The following PRRC2B variants were observed in gnomAD, a reference collection of about 807,000 sequenced individuals.
PRRC2B encodes proline rich coiled-coil 2B.
A neutral mutation model predicts 242.3 loss-of-function variants in PRRC2B; 68 were observed. The ratio of observed to expected loss-of-function variants is 0.28; its 90% CI spans 0.23 to 0.34. PRRC2B has a LOEUF of 0.34. Ranked by LOEUF, PRRC2B falls within the 10% of genes least tolerant of loss-of-function variation. PRRC2B has a pLI of 1.00. For missense variants in PRRC2B, 2,835 were observed against 2,954.8 expected (o/e 0.96, Z 0.94); for synonymous variants, 1,228 against 1,173.6 (o/e 1.05, Z -0.95).
At position 131,483,366 on chromosome 9, in the gene PRRC2B, A is replaced by G; in HGVS notation, c.5381A>G (p.Asp1794Gly). The G allele has an allele frequency of 6.2e-7, 1 of 1,613,764 alleles. No homozygotes were observed. The highest frequency in any genetic ancestry group is 1.1e-5 in the South Asian group (1 of 91,064). The change falls in exon 23 of 32, where the codon GAT (aspartate) becomes GGT (glycine). Residue 1794 changes from aspartate (D) to glycine (G), a missense_variant. By Grantham distance (94) the Asp-to-Gly change is moderately conservative (BLOSUM62 -1). This residue lies in a region of PRRC2B where 574 missense variants were observed against 626.0 expected (regional missense o/e 0.92). Transcript: ENST00000683519. ...CCTTTTTTATTTTTTCAGGACTCCG[A>G]TTTCAGCTTGCCACCTGGTTCTGCC... ...IEFGVSPKDSDFSLPPGSASG... is the reference protein window; with the variant it reads ...IEFGVSPKDSGFSLPPGSASG...
rs535687093 is a variant in PRRC2B at position 131,418,954 on chromosome 9, T to C, written c.-51-11140T>C. Among the ~76,000 whole-genome samples, 3 of 152,336 alleles carry C rather than the reference T, an allele frequency of 2.0e-5. 1 individual carries two copies. Among genetic ancestry groups the C allele is most frequent in the African/African-American group, 4.8e-5 (2 of 41,570 alleles). Reference sequence around the variant, plus strand: ...AGTGGCTCATGCTGGTGAAGAGAGATCCAGGGATCTAATCTGGGAGCTGGT... The same window carrying C: ...AGTGGCTCATGCTGGTGAAGAGAGACCCAGGGATCTAATCTGGGAGCTGGT... On this transcript the variant is annotated intron_variant, in intron 1 of 31. Coordinates refer to ENST00000683519, the MANE Select transcript of PRRC2B (RefSeq NM_013318.4).
chr9:131,450,430 C>A (rs553032675), intron 9 of PRRC2B, among the ~76,000 whole-genome samples: 1 of 151,900 alleles, frequency 6.6e-6, no homozygotes, highest in South Asian at 2.1e-4. Context: ...ACATGCCCAA[C>A]TAATTTTTGT....
Position 131,455,147 on chromosome 9 carries a change from A to G in PRRC2B, c.1192A>G (p.Lys398Glu), listed in dbSNP as rs202235770. 1 of 1,613,670 alleles carries G rather than the reference A, an allele frequency of 6.2e-7. No homozygotes were observed. The highest frequency in any genetic ancestry group is 8.5e-7 in the Non-Finnish European group (1 of 1,179,716). ...TGATGAAGAGGAGGAAGAAGTTGTG[A>G]AGGACGGCAGGCCAAAGTGGTAAGG... is the stretch of plus-strand genomic sequence containing the variant. Reference protein sequence around the residue: ...SDDEEEEEVVKDGRPKWNSWD... With the variant: ...SDDEEEEEVVEDGRPKWNSWD... The change falls in exon 10 of 32, where the codon AAG becomes GAG. Residue 398 changes from lysine to glutamate, a missense_variant. Coordinates refer to ENST00000683519, the MANE Select transcript of PRRC2B (RefSeq NM_013318.4).
intron 1 of PRRC2B, among the ~76,000 whole-genome samples, chr9:131,381,074 T>C (rs1836753846): frequency 6.6e-6 from 1 of 152,116 alleles, no homozygotes; most frequent in South Asian, 2.1e-4. Flanking sequence ...GGGCAAGACT[T>C]GATTACTAAA....
rs1340846790 is a variant in PRRC2B at position 131,446,404 on chromosome 9, T to C, written c.617T>C (p.Val206Ala). ...TTTGCCCCCTTTCAATTTCCAGATG[T>C]GACAAGCTGGAGGGAGGGCGGTGGG... Reference protein sequence around the residue: ...GPGPSLRPQNVTSWREGGGRH... With the variant: ...GPGPSLRPQNATSWREGGGRH... Residue 206 changes from valine to alanine, a missense_variant, in exon 7 of 32, where the codon GTG (valine) becomes GCG (alanine). Val to Ala is a moderately conservative substitution (Grantham distance 64, BLOSUM62 0). Transcript: ENST00000683519. This position sits in a 1 kb window ranked among gnomAD's most constrained non-coding sequence, Gnocchi z 4.1. 1 of 1,613,730 alleles carries C rather than the reference T, an allele frequency of 6.2e-7. No individual in the cohort carries two copies. Among genetic ancestry groups the C allele is most frequent in the East Asian group, 2.2e-5 (1 of 44,876 alleles).
chr9:131,431,795 C>G (rs1364362983), intron 2 of PRRC2B, among the ~76,000 whole-genome samples: 1 of 147,716 alleles, frequency 6.8e-6, no homozygotes, highest in Non-Finnish European at 1.5e-5. Flanking sequence ...ACCGTGTTAG[C>G]GAGGATGGTC....
intron 1 of PRRC2B, among the ~76,000 whole-genome samples, chr9:131,421,344 G>A (rs1351173307): frequency 2.0e-5 from 3 of 152,320 alleles, no homozygotes; most frequent in Non-Finnish European, 4.4e-5. Context: ...ACATTGATTG[G>A]TGTGTTGGGG....
At chr9:131,414,641 G>T (rs1564277150) in intron 1 of PRRC2B, among the ~76,000 whole-genome samples, 1 of 150,564 alleles carries the variant, frequency 6.6e-6, no homozygotes, top group Non-Finnish European at 1.5e-5. Context: ...CCTGATCTTG[G>T]CTCACTGCAA....
chr9:131,469,335 AAAAAT>A (rs142692277), intron 13 of PRRC2B, among the ~76,000 whole-genome samples: 5,942 of 152,116 alleles, frequency 0.039, 149 homozygotes, highest in Non-Finnish European at 0.052. Flanking sequence ...CTCCATCTCA[AAAAAT>A]AAAATAAAAT....
Position 131,485,082 on chromosome 9 carries a change from T to C in PRRC2B, c.5700T>C (p.Gly1900=). The change falls in exon 25 of 32, where the codon GGT becomes GGC. Residue 1900 remains glycine (G), a synonymous_variant. Transcript: ENST00000683519. ...GCGGGGTCAACTACAGCTCCTTCGG[T>C]GGAGTGTCCATGCCACCCATGCCTG... is the stretch of plus-strand genomic sequence containing the variant. The part of the protein sequence containing the change: ...ASSGVNYSSF[G]GVSMPPMPVA... 1 of 1,605,526 alleles carries C rather than the reference T, an allele frequency of 6.2e-7. No homozygotes were observed. The highest frequency in any genetic ancestry group is 8.5e-7 in the Non-Finnish European group (1 of 1,175,840).
chr9:131,416,503 A>G (rs1239882480), intron 1 of PRRC2B, among the ~76,000 whole-genome samples: 1 of 152,214 alleles, frequency 6.6e-6, no homozygotes, highest in African/African-American at 2.4e-5. Context: ...GTTTGCCCCC[A>G]TTAAACACAT....
chr9:131,446,676 T>C lies in PRRC2B; in HGVS notation c.855+34T>C. On this transcript the variant is annotated intron_variant, in intron 7 of 31. Transcript: ENST00000683519. This position sits in a 1 kb window ranked among gnomAD's most constrained non-coding sequence, Gnocchi z 4.1. ...TCAGAGTGTACTTTTTTTCCCCCCA[T>C]GAAGTTGGATTGTGTCCAGCAGATA... 1 of 1,609,782 alleles carries C rather than the reference T, an allele frequency of 6.2e-7. No individual in the cohort carries two copies. Among genetic ancestry groups the C allele is most frequent in the Non-Finnish European group, 8.5e-7 (1 of 1,177,098 alleles).
rs558708864 is a variant in PRRC2B, at chr9:131,488,894, G to T, written c.6225+798G>T. On this transcript the variant is annotated intron_variant, in intron 28 of 31. Transcript: ENST00000683519. ...GGCACCTTTGAAGGTCACCCTCCTT[G>T]TCTGGTCTGGCTTGCAGTCTGTCTC... Among the ~76,000 whole-genome samples the T allele has an allele frequency of 7.2e-5, 11 of 152,264 alleles. No homozygotes were observed. In the South Asian group the frequency reaches 2.3e-3, roughly 32 times the overall value.
intron 1 of PRRC2B, among the ~76,000 whole-genome samples, chr9:131,376,204 AT>A (rs1447273681): frequency 2.0e-5 from 3 of 151,656 alleles, no homozygotes; most frequent in South Asian, 2.1e-4. Context: ...ATACAAAAAA[AT>A]TAGCCAGGTA....
Position 131,436,692 on chromosome 9 carries a change from G to A in PRRC2B, c.366G>A (p.Leu122=), listed in dbSNP as rs1838386243. The change falls in exon 4 of 32, where the codon TTG becomes TTA. Residue 122 remains leucine, a synonymous_variant. Coordinates refer to ENST00000683519, the MANE Select transcript of PRRC2B (RefSeq NM_013318.4). ...QPGLQKSVSN[L]QKPTQSISQE... is the part of the protein sequence containing the mutation. Reference sequence around the variant, plus strand: ...GTTTGCAGAAATCTGTCTCCAATTTGCAGAAACCGACACAGTCAATCAGTC... The same window carrying A: ...GTTTGCAGAAATCTGTCTCCAATTTACAGAAACCGACACAGTCAATCAGTC... 3.7e-6 allele frequency: 6 copies of A among 1,613,880 alleles called. No individual in the cohort carries two copies. The highest frequency in any genetic ancestry group is 5.1e-6 in the Non-Finnish European group (6 of 1,179,878).
chr9:131,398,505 C>T (rs1381033785), intron 1 of PRRC2B, among the ~76,000 whole-genome samples: 2 of 152,192 alleles, frequency 1.3e-5, no homozygotes, highest in Non-Finnish European at 2.9e-5. Context: ...GTTCTTACCT[C>T]TGCAGCCAGT....
At position 131,496,690 on chromosome 9, in the gene PRRC2B, C is replaced by CCCATGAAGTTGT. The variant is rs1388023699; in HGVS notation, c.*827_*828insTCCATGAAGTTG. 1 of 152,168 alleles carries CCCATGAAGTTGT rather than the reference C, an allele frequency of 6.6e-6. No homozygotes were observed. Among genetic ancestry groups the CCCATGAAGTTGT allele is most frequent in the Non-Finnish European group, 1.5e-5 (1 of 68,062 alleles). The allele number at this position is 152,168 out of a possible 1,614,324, so 9.4% of individuals were successfully genotyped here. ...ATGAGCCCAGGGCGCTTACAGGCAGCCCATGAAGTTGATGACAGTTTTAGC... is the reference window on the plus strand; with the variant it reads ...ATGAGCCCAGGGCGCTTACAGGCAGCCCATGAAGTTGTCCATGAAGTTGATGACAGTTTTAGC... On this transcript the variant is annotated 3_prime_UTR_variant, in exon 32 of 32. Coordinates refer to ENST00000683519, the MANE Select transcript of PRRC2B (RefSeq NM_013318.4).
upstream of PRRC2B, among the ~76,000 whole-genome samples, chr9:131,392,290 G>T (rs1237053027): frequency 6.6e-6 from 1 of 151,296 alleles, no homozygotes; most frequent in Admixed American, 6.6e-5. Context: ...GTAGAGATGG[G>T]GTTTCACCAT....
chr9:131,491,029 G>A (rs931355746), intron 28 of PRRC2B: 14 of 234,364 alleles, frequency 6.0e-5, no homozygotes, highest in Admixed American at 3.1e-4. Flanking sequence ...GTTGGACAGG[G>A]CCCTGCCGCT....
Sources: gnomAD v4.1 joint callset for allele counts (sites outside exome capture counted in the v4.1 genomes callset) on GRCh38, gnomAD v4.1.1 for gene constraint, gnomAD v4.1.1 regional missense constraint, Gnocchi (gnomAD v3.1) non-coding constraint, MANE v1.5 for transcripts, NCBI Gene and HGNC (gene_info 2026-07-23, HGNC 2026-07-21) for gene names.